SRFBP1: variants seen among roughly 807,000 people sequenced by gnomAD.
SRFBP1 encodes the protein serum response factor binding protein 1.
In SRFBP1, 47 loss-of-function variants were observed where a neutral mutation model predicts 45.5. The ratio of observed to expected loss-of-function variants is 1.03; its 90% CI spans 0.82 to 1.32. SRFBP1 has a LOEUF of 1.32. SRFBP1 is among the 40% of genes most tolerant of loss of function. The pLI is 0.00. For synonymous variants in SRFBP1, 203 were observed against 166.3 expected (o/e 1.22, Z -1.70); for missense variants, 621 against 484.6 (o/e 1.28, Z -2.64).
chr5:122,070,440 G>C, intron 2 of SRFBP1: 1 of 932,334 alleles, frequency 1.1e-6, no homozygotes. Flanking sequence ...ATCCAGAGAA[G>C]AGGGCCTATT....
intron 2 of SRFBP1, among the ~76,000 whole-genome samples, chr5:122,067,605 A>G (rs1387213181): frequency 6.6e-6 from 1 of 152,108 alleles, no homozygotes; most frequent in Non-Finnish European, 1.5e-5. Flanking sequence ...AAAAAGCTTC[A>G]GCCTCCCACT....
downstream of SRFBP1, among the ~76,000 whole-genome samples, chr5:122,031,042 A>G (rs1374850767): frequency 1.3e-5 from 2 of 152,180 alleles, no homozygotes; most frequent in East Asian, 3.8e-4. Flanking sequence ...GTGAAGGCTA[A>G]GGAGAAGCTG....
chr5:121,963,829 A>G (rs556683179), intron 1 of SRFBP1, among the ~76,000 whole-genome samples: 1 of 152,268 alleles, frequency 6.6e-6, no homozygotes, highest in South Asian at 2.1e-4. Flanking sequence ...AGTGGAGATG[A>G]TGGAGGATAT....
At chr5:122,077,925 A>G, downstream of SRFBP1, 1 of 1,514,788 alleles carries the variant, frequency 6.6e-7, no homozygotes, top group Admixed American at 2.4e-5. The surrounding 1 kb of genome is among the most constrained non-coding windows in gnomAD (Gnocchi z 4.9). Flanking sequence ...GGAGGGGCGC[A>G]GTGCACTAGC....
intron 2 of SRFBP1, among the ~76,000 whole-genome samples, chr5:122,049,197 G>A (rs1290711742): frequency 3.3e-5 from 5 of 151,956 alleles, no homozygotes; most frequent in Admixed American, 2.0e-4. Flanking sequence ...CAAGCAAATG[G>A]AAGACAAAAA....
chr5:122,068,598 C>T (rs2152586137), intron 2 of SRFBP1, among the ~76,000 whole-genome samples: 1 of 152,190 alleles, frequency 6.6e-6, no homozygotes, highest in African/African-American at 2.4e-5. Context: ...AGACCTGTAC[C>T]TGACAATGGG....
chr5:122,078,007 C>G (rs750033944), downstream of SRFBP1: 2 of 1,441,088 alleles, frequency 1.4e-6, no homozygotes, highest in African/African-American at 1.5e-5. Flanking sequence ...CCAGATTGAC[C>G]CCGCTCGAGG....
chr5:122,054,232 G>A (rs1366068292), intron 2 of SRFBP1, among the ~76,000 whole-genome samples: 3 of 152,182 alleles, frequency 2.0e-5, no homozygotes, highest in Admixed American at 1.3e-4. Context: ...AGGGGTTTCT[G>A]GGAGGTCCAG....
At chr5:121,992,645 G>C (rs953469156) in intron 3 of SRFBP1, among the ~76,000 whole-genome samples, 1 of 152,014 alleles carries the variant, frequency 6.6e-6, no homozygotes, top group African/African-American at 2.4e-5. Flanking sequence ...CGCTACTTAG[G>C]TTCTAGAAGT....
At chr5:122,055,138 G>T (rs1426975341) in intron 2 of SRFBP1, among the ~76,000 whole-genome samples, 1 of 152,176 alleles carries the variant, frequency 6.6e-6, no homozygotes, top group East Asian at 1.9e-4. Context: ...GGAAGTACAA[G>T]ACCAAGTTTC....
chr5:121,992,951 C>T (rs1355141223), intron 3 of SRFBP1, among the ~76,000 whole-genome samples: 2 of 151,936 alleles, frequency 1.3e-5, no homozygotes, highest in Non-Finnish European at 2.9e-5. Flanking sequence ...ATAAATTGCC[C>T]CTTGTCTCCG....
At chr5:122,058,495 A>C (rs985173053) in intron 2 of SRFBP1, among the ~76,000 whole-genome samples, 1 of 151,710 alleles carries the variant, frequency 6.6e-6, no homozygotes, top group Non-Finnish European at 1.5e-5. Flanking sequence ...AAAATAATAG[A>C]TCCTACTTCA....
intron 2 of SRFBP1, among the ~76,000 whole-genome samples, chr5:122,067,514 T>G (rs1159267251): frequency 6.6e-6 from 1 of 152,074 alleles, no homozygotes; most frequent in Non-Finnish European, 1.5e-5. Flanking sequence ...ATACATGATA[T>G]GTCTTCAGAG....
intron 2 of SRFBP1, among the ~76,000 whole-genome samples, chr5:122,052,920 T>C (rs1754014895): frequency 1.3e-5 from 2 of 149,012 alleles, no homozygotes; most frequent in South Asian, 4.4e-4. Flanking sequence ...ATTTTTTTGC[T>C]TTTTTTTTTC....
Position 122,020,520 on chromosome 5 carries a change from A to G in SRFBP1, c.785A>G (p.Asp262Gly). 6.2e-7 allele frequency: 1 copy of G among 1,614,170 alleles called. No individual in the cohort carries two copies. The highest frequency in any genetic ancestry group is 8.5e-7 in the Non-Finnish European group (1 of 1,180,004). ...EFCEEEKEYF[D>G]DSTEERFYKQ... ...TGTGAAGAGGAGAAGGAATATTTTG[A>G]TGATAGCACAGAAGAAAGGTTTTAC... is the stretch of plus-strand genomic sequence containing the variant. The change falls in exon 6 of 8, where the codon GAT becomes GGT. Residue 262 changes from aspartate (D) to glycine (G), a missense_variant. Transcript: ENST00000339397.
chr5:122,026,455 C>T (rs1037159321), intron 7 of SRFBP1, among the ~76,000 whole-genome samples: 7 of 152,126 alleles, frequency 4.6e-5, no homozygotes, highest in South Asian at 4.1e-4. Flanking sequence ...CAATAACAGA[C>T]GGGAGTGGAA....
Position 122,006,678 on chromosome 5 carries a change from G to A in SRFBP1, c.270+12008G>A, listed in dbSNP as rs140847221. ...ATTCTTCTGTTTGATCAGTTCTGCT[G>A]TTGGTGTTCTCCATTAAATTTTTAT... On this transcript the variant is annotated intron_variant, in intron 4 of 7. Transcript: ENST00000339397. Among the ~76,000 whole-genome samples, 1,046 of 151,964 alleles carry A rather than the reference G, an allele frequency of 6.9e-3. 17 individuals carry two copies. Among genetic ancestry groups the A allele is most frequent in the African/African-American group, 0.023 (964 of 41,458 alleles).
chr5:122,013,386 G>C (rs918749326), intron 4 of SRFBP1, among the ~76,000 whole-genome samples: 1 of 151,672 alleles, frequency 6.6e-6, no homozygotes, highest in African/African-American at 2.4e-5. Context: ...ATAAAATTAC[G>C]GTACAAAGTA....
intron 2 of SRFBP1, among the ~76,000 whole-genome samples, chr5:122,048,839 G>A (rs1023190831): frequency 4.6e-5 from 7 of 152,128 alleles, no homozygotes; most frequent in Non-Finnish European, 7.4e-5. Context: ...GCGTAGAGGT[G>A]TTTATAGTAT....
Sources: gnomAD v4.1 joint callset for allele counts (sites outside exome capture counted in the v4.1 genomes callset) on GRCh38, gnomAD v4.1.1 for gene constraint, Gnocchi (gnomAD v3.1) non-coding constraint, MANE v1.5 for transcripts, NCBI Gene and HGNC (gene_info 2026-07-23, HGNC 2026-07-21) for gene names.